The following PSG9 variants were observed in gnomAD, a reference collection of about 807,000 sequenced individuals.
The protein encoded by PSG9 is pregnancy-specific beta-1-glycoprotein 9.
A neutral mutation model predicts 41.9 loss-of-function variants in PSG9; 49 were observed. The observed-to-expected ratio is 1.17, with a 90% CI of 0.93 to 1.48. The LOEUF (loss-of-function observed/expected upper bound fraction) is 1.48, where lower values mean the gene tolerates loss of function less well. PSG9 is among the 40% of genes most tolerant of loss of function. The probability of loss-of-function intolerance (pLI) is 0.00; values close to 1 mark genes in which losing one functional copy is unlikely to be tolerated. For missense variants in PSG9, 641 were observed against 520.3 expected (o/e 1.23, Z -2.26); for synonymous variants, 263 against 196.8 (o/e 1.34, Z -2.82).
At chr19:43,263,973 G>T (rs115575978) in intron 2 of PSG9, among the ~76,000 whole-genome samples, 3,728 of 152,170 alleles carry the variant, frequency 0.024, 155 homozygotes, top group African/African-American at 0.084. Flanking sequence ...AAAACAGGTA[G>T]GTGAAATGCT....
rs1484483744 is a variant in PSG9, at chr19:43,254,612, G to A, written c.1244-966C>T. 2.7e-5 allele frequency among the ~76,000 whole-genome samples: 4 copies of A among 145,720 alleles called. 2 individuals carry two copies. Among genetic ancestry groups the A allele is most frequent in the African/African-American group, 1.0e-4 (4 of 38,146 alleles). On this transcript the variant is annotated intron_variant, in intron 5 of 5. Coordinates refer to ENST00000270077, the MANE Select transcript of PSG9 (RefSeq NM_002784.5). ...TGAAAGAAGAACAAACTAAACCCAA[G>A]CACAGTGAATGAGGGAAATAATAAA...
chr19:43,259,166 G>C lies in PSG9; in HGVS notation c.710-31C>G, dbSNP rs557241004. ...TGGATAACAGAGAGAAGATTGTCCT[G>C]TGTGGCACCTTTGATTCCTCCACAG... On this transcript the variant is annotated intron_variant, in intron 3 of 5. Coordinates refer to ENST00000270077, the MANE Select transcript of PSG9 (RefSeq NM_002784.5). 164 of 1,582,040 alleles carry C rather than the reference G, an allele frequency of 1.0e-4. 50 individuals carry two copies. The East Asian group carries it at 4.3e-3, about 42-fold the overall frequency.
rs531420478 is a variant in PSG9, at chr19:43,261,154, C to T, written c.709+706G>A. On this transcript the variant is annotated intron_variant, in intron 3 of 5. Coordinates refer to ENST00000270077, the MANE Select transcript of PSG9 (RefSeq NM_002784.5). ...AGGGCAGGTGGCTGTTCCCTGACAG[C>T]TAGATAGACTTCACTGGAAAACATA... Among the ~76,000 whole-genome samples, 53 of 152,216 alleles carry T rather than the reference C, an allele frequency of 3.5e-4. 1 individual carries two copies. The highest frequency in any genetic ancestry group is 8.5e-4 in the Admixed American group (13 of 15,298).
rs16976090 is a variant in PSG9 at position 43,257,781 on chromosome 19, C to T, written c.1243+421G>A. 1.2e-4 allele frequency: 160 copies of T among 1,280,816 alleles called. 13 individuals carry two copies. Among genetic ancestry groups the T allele is most frequent in the Non-Finnish European group, 1.5e-4 (156 of 1,022,782 alleles). 79.3% of individuals were successfully genotyped at this position (1,280,816 alleles called of 1,614,324 possible). A position where few individuals can be genotyped will look rare whatever the true frequency, so the allele number is the denominator to read the frequency against. ...CACCCAAGGGGCTTCCTCCTCTCAT[C>T]TGGGGGAAAAGTGTGAGCTTGTTTC... is the stretch of plus-strand genomic sequence containing the variant. On this transcript the variant is annotated intron_variant, in intron 5 of 5. Transcript: ENST00000270077.
intron 3 of PSG9, chr19:43,260,384 G>C: frequency 6.8e-6 from 1 of 147,242 alleles, no homozygotes; most frequent in Non-Finnish European, 1.5e-5. Flanking sequence ...TACTGGTTTA[G>C]CATCCCAAAT....
At chr19:43,254,264 G>T (rs1968368209) in intron 5 of PSG9, among the ~76,000 whole-genome samples, 1 of 146,182 alleles carries the variant, frequency 6.8e-6, no homozygotes, top group African/African-American at 2.6e-5. Flanking sequence ...GCTTAGCATG[G>T]TGTAAAAACT....
In PSG9 at chr19:43,258,273, A is replaced by G. The variant is rs527506445; in HGVS notation, c.1172T>C (p.Leu391Pro). 1 of 1,592,908 alleles carries G rather than the reference A, an allele frequency of 6.3e-7. No homozygotes were observed. Among genetic ancestry groups the G allele is most frequent in the Admixed American group, 1.7e-5 (1 of 58,720 alleles). Reference protein sequence around the residue: ...IPQITRNHSGLYACSVHNSAT... With the variant: ...IPQITRNHSGPYACSVHNSAT... ...TGAGTTATGAACAGAGCAAGCATAG[A>G]GCCCGCTATGATTTCTAGTAATTTG... Residue 391 changes from leucine to proline, a missense_variant, in exon 5 of 6, where the codon CTC becomes CCC. Transcript: ENST00000270077.
intron 5 of PSG9, chr19:43,257,867 A>G: frequency 7.2e-7 from 1 of 1,381,404 alleles, no homozygotes; most frequent in Non-Finnish European, 9.3e-7. Context: ...GACGTGGCAG[A>G]AGGGGATGTG....
Position 43,258,357 on chromosome 19 carries a change from T to C in PSG9, c.1088A>G (p.Glu363Gly), listed in dbSNP as rs1178530226. 11 of 1,592,868 alleles carry C rather than the reference T, an allele frequency of 6.9e-6. 2 individuals are homozygous for C. The Admixed American group carries it at 1.7e-4, about 25-fold the overall frequency. The part of the protein sequence containing the change: ...SCFTESNPPA[E>G]YFWTINGKFQ... ...CTTCCCATTAATTGTCCAAAAATAC[T>C]CTGCCGGTGGGTTAGATTCCGTGAA... The change falls in exon 5 of 6, where the codon GAG becomes GGG. Residue 363 changes from glutamate (E) to glycine (G), a missense_variant. Physicochemically the swap from Glu to Gly is moderately conservative, Grantham distance 98 (BLOSUM62 -2). Transcript: ENST00000270077.
intron 1 of PSG9, among the ~76,000 whole-genome samples, chr19:43,268,965 G>C (rs565891856): frequency 8.6e-5 from 13 of 151,960 alleles, no homozygotes; most frequent in African/African-American, 2.9e-4. Flanking sequence ...CCTCTCTGGT[G>C]TATTTTCCCC....
At chr19:43,255,449 C>G (rs1384632515) in intron 5 of PSG9, among the ~76,000 whole-genome samples, 2 of 146,250 alleles carry the variant, frequency 1.4e-5, no homozygotes, top group South Asian at 2.2e-4. Flanking sequence ...TGAGCAGTAA[C>G]AAGACAAGGA....
Position 43,267,845 on chromosome 19 carries a change from G to A in PSG9, c.369C>T (p.His123=), listed in dbSNP as rs377321293. The stretch of plus-strand genomic sequence containing the variant: ...TAGTCTCATCACCTCGCTTTATGAT[G>A]TGTAAGGTGTAGGTTCCTGCATCCT... ...TRKDAGTYTL[H]IIKRGDETRE... is the part of the protein sequence containing the mutation. The change falls in exon 2 of 6, where the codon CAC becomes CAT. Residue 123 remains histidine, a synonymous_variant. Transcript: ENST00000270077. The A allele has an allele frequency of 1.9e-6, 3 of 1,613,606 alleles. No individual in the cohort carries two copies. Among genetic ancestry groups the A allele is most frequent in the African/African-American group, 1.3e-5 (1 of 74,902 alleles).
chr19:43,263,112 T>C (rs879668342), intron 2 of PSG9, among the ~76,000 whole-genome samples: 2 of 152,152 alleles, frequency 1.3e-5, no homozygotes, highest in Non-Finnish European at 2.9e-5. Flanking sequence ...TGATCTGAGT[T>C]TGACTACTCT....
At chr19:43,259,217 T>A in intron 3 of PSG9, 82 bp from the exon 4 acceptor site, 1 of 1,535,552 alleles carries the variant, frequency 6.5e-7, no homozygotes, top group Non-Finnish European at 8.7e-7. Flanking sequence ...AGTTGGCATC[T>A]CCCACCTCTC....
chr19:43,258,141 T>A (rs1379737982), intron 5 of PSG9, 61 bp downstream of exon 5: 1 of 1,591,580 alleles, frequency 6.3e-7, no homozygotes, highest in Non-Finnish European at 8.5e-7. Context: ...CTGACTCTTC[T>A]CTGAAAGCCA....
intron 5 of PSG9, chr19:43,257,912 C>T (rs1278957624): frequency 1.4e-6 from 2 of 1,407,954 alleles, no homozygotes; most frequent in African/African-American, 1.5e-5. Flanking sequence ...ATCTTGAGGA[C>T]TCTCCTTCTT....
rs1968460098 is a variant in PSG9, at chr19:43,256,837, C to A, written c.1243+1365G>T. On this transcript the variant is annotated intron_variant, in intron 5 of 5. Coordinates refer to ENST00000270077, the MANE Select transcript of PSG9 (RefSeq NM_002784.5). ...AACAATAAATTACCATTTGATCCAG[C>A]AATTCCACTTCTGGACATACTCCCC... 7.5e-5 allele frequency among the ~76,000 whole-genome samples: 11 copies of A among 146,902 alleles called. 2 individuals are homozygous for A. In the South Asian group the frequency reaches 2.4e-3, roughly 32 times the overall value.
Position 43,259,124 on chromosome 19 carries a change from T to G in PSG9, c.721A>C (p.Ile241Leu), listed in dbSNP as rs1968589268. The G allele has an allele frequency of 6.3e-7, 1 of 1,590,524 alleles. No homozygotes were observed. Among genetic ancestry groups the G allele is most frequent in the Non-Finnish European group, 8.5e-7 (1 of 1,174,270 alleles). The change falls in exon 4 of 6, where the codon ATC becomes CTC. Residue 241 changes from isoleucine (I) to leucine (L), a missense_variant. Physicochemically the swap from Ile to Leu is conservative, Grantham distance 5 (BLOSUM62 2). Transcript: ENST00000270077. ...AAGTTGTTGATGGTGATGTAGGGGA[T>G]GGGCAGCTTCGCTGTGTGGATAACA... ...VTLNLLPKLP[I>L]PYITINNLNP...
At position 43,258,373 on chromosome 19, in the gene PSG9, A is replaced by G. The variant is rs181741435; in HGVS notation, c.1072T>C (p.Ser358Pro). 17 of 1,592,974 alleles carry G rather than the reference A, an allele frequency of 1.1e-5. 3 individuals are homozygous for G. The highest frequency in any genetic ancestry group is 1.4e-5 in the Non-Finnish European group (17 of 1,174,538). The change falls in exon 5 of 6, where the codon TCT (serine) becomes CCT (proline). Residue 358 changes from serine (S) to proline (P), a missense_variant. Transcript: ENST00000270077. ...ENLDLSCFTE[S>P]NPPAEYFWTI... ...CAAAAATACTCTGCCGGTGGGTTAG[A>G]TTCCGTGAAGCAGGACAAGTCGAGG... is the stretch of plus-strand genomic sequence containing the variant.
Sources: allele counts gnomAD v4.1 joint callset (sites outside exome capture counted in the v4.1 genomes callset), GRCh38; gene constraint gnomAD v4.1.1; transcripts MANE v1.5; gene names NCBI Gene and HGNC (gene_info 2026-07-23, HGNC 2026-07-21).